Variants in NRXN1 observed in about 807,000 individuals in gnomAD.
The protein encoded by NRXN1 is neurexin 1, also known as neurexin-1.
NRXN1 carries 39 observed loss-of-function variants against 150.9 expected under a neutral mutation model. The ratio of observed to expected loss-of-function variants is 0.26; its 90% CI spans 0.20 to 0.34. The LOEUF is 0.34. NRXN1 is among the 10% of genes least tolerant of loss of function. NRXN1 has a pLI of 1.00. For synonymous variants in NRXN1, 924 were observed against 757.0 expected, an observed-to-expected ratio of 1.22 and a Z score of -3.62; for missense variants, 1,815 against 1,949.9, an observed-to-expected ratio of 0.93 and a Z score of 1.30.
chr2:49,925,843 A>G (rs1669017787), intron 22 of NRXN1, among the ~76,000 whole-genome samples: 1 of 152,244 alleles, frequency 6.6e-6, no homozygotes. Flanking sequence ...TGTTAAAAAA[A>G]GCAAGTAAAA....
chr2:50,969,009 G>A (rs181162226), intron 2 of NRXN1, among the ~76,000 whole-genome samples: 77 of 151,950 alleles, frequency 5.1e-4, no homozygotes, highest in East Asian at 3.7e-3. Flanking sequence ...CACCTTCTGC[G>A]CCAGGTAAGT....
chr2:50,790,996 G>A (rs1241550081), intron 5 of NRXN1, among the ~76,000 whole-genome samples: 2 of 151,656 alleles, frequency 1.3e-5, no homozygotes, highest in Admixed American at 1.3e-4. Context: ...ACTAGTAGCT[G>A]ATTTTTAAGG....
intron 8 of NRXN1, among the ~76,000 whole-genome samples, chr2:50,568,614 T>A (rs1670208611): frequency 6.6e-6 from 1 of 152,144 alleles, no homozygotes; most frequent in African/African-American, 2.4e-5. Context: ...CCAGTTAAAA[T>A]GCCTTTTATC....
chr2:50,437,126 G>C (rs1343378226), intron 17 of NRXN1, among the ~76,000 whole-genome samples: 3 of 152,114 alleles, frequency 2.0e-5, no homozygotes, highest in Admixed American at 1.3e-4. Context: ...AATATAAAAG[G>C]CTATTTTATT....
chr2:50,904,333 C>T (rs767218999), intron 5 of NRXN1, among the ~76,000 whole-genome samples: 1 of 152,162 alleles, frequency 6.6e-6, no homozygotes, highest in Non-Finnish European at 1.5e-5. Flanking sequence ...GCCCCACTCT[C>T]TTTCTACTAG....
chr2:49,977,592 T>C (rs577536622), intron 21 of NRXN1, among the ~76,000 whole-genome samples: 2 of 152,312 alleles, frequency 1.3e-5, no homozygotes, highest in South Asian at 4.1e-4. Context: ...GACCAAGCCC[T>C]GGGTTTCTCC....
intron 8 of NRXN1, among the ~76,000 whole-genome samples, chr2:50,568,814 T>A (rs1670237778): frequency 6.6e-6 from 1 of 152,012 alleles, no homozygotes. Flanking sequence ...AGAAAGGAAA[T>A]CAATATATCA....
intron 5 of NRXN1, among the ~76,000 whole-genome samples, chr2:50,727,706 T>C (rs1157024823): frequency 1.3e-5 from 2 of 152,172 alleles, no homozygotes; most frequent in Non-Finnish European, 2.9e-5. Context: ...AGAAGATTTA[T>C]GTTTTTAATT....
chr2:50,260,573 T>G (rs2068152780), intron 17 of NRXN1, among the ~76,000 whole-genome samples: 1 of 151,430 alleles, frequency 6.6e-6, no homozygotes, highest in Non-Finnish European at 1.5e-5. Context: ...TCAATCACTT[T>G]TTTTAATGCA....
chr2:50,251,480 G>A (rs10193106), intron 17 of NRXN1, among the ~76,000 whole-genome samples: 62,673 of 151,806 alleles, frequency 0.41, 13,126 homozygotes, highest in Middle Eastern at 0.46. Flanking sequence ...GAATAGTGCT[G>A]CAATTAACGT....
chr2:50,291,149 G>C (rs533468551), intron 17 of NRXN1, among the ~76,000 whole-genome samples: 4 of 143,960 alleles, frequency 2.8e-5, no homozygotes, highest in African/African-American at 5.6e-5. Context: ...AAAAAAAAAG[G>C]CTCTGAATTA....
chr2:50,314,289 T>C (rs1226205864), intron 17 of NRXN1, among the ~76,000 whole-genome samples: 1 of 152,060 alleles, frequency 6.6e-6, no homozygotes, highest in African/African-American at 2.4e-5. Context: ...GGACTCTGTA[T>C]GATTTCTTTC....
rs1472163841 is a variant in NRXN1 at position 50,090,858 on chromosome 2, C to G, written c.3718+465G>C. ...TTTCTCACTAGTTCTCTACTTATCTCACGGGATCCCTACACTTTAATGTGT... is the reference window on the plus strand; with the variant it reads ...TTTCTCACTAGTTCTCTACTTATCTGACGGGATCCCTACACTTTAATGTGT... On this transcript the variant is annotated intron_variant, in intron 19 of 22. Transcript: ENST00000401669. Among the ~76,000 whole-genome samples, 4 of 152,110 alleles carry G rather than the reference C, an allele frequency of 2.6e-5. No homozygotes were observed. In the East Asian group the frequency reaches 7.7e-4, roughly 29 times the overall value.
chr2:50,156,455 T>C (rs543147066), intron 18 of NRXN1, among the ~76,000 whole-genome samples: 3 of 151,946 alleles, frequency 2.0e-5, no homozygotes, highest in Non-Finnish European at 1.5e-5. Flanking sequence ...TGTCCACCTA[T>C]AAAAAATTAC....
chr2:50,134,745 A>G (rs143932761), intron 18 of NRXN1, among the ~76,000 whole-genome samples: 170 of 152,234 alleles, frequency 1.1e-3, no homozygotes, highest in Non-Finnish European at 7.4e-5. Context: ...TTCTTAGTGA[A>G]GTCTATTTTA....
chr2:50,382,765 G>A (rs920366334), intron 17 of NRXN1, among the ~76,000 whole-genome samples: 2 of 152,144 alleles, frequency 1.3e-5, no homozygotes, highest in African/African-American at 4.8e-5. Context: ...AGAGATTAGC[G>A]AGTGGGAAGA....
intron 22 of NRXN1, among the ~76,000 whole-genome samples, chr2:49,930,963 C>G (rs1411224073): frequency 2.0e-5 from 3 of 152,146 alleles, no homozygotes; most frequent in African/African-American, 7.2e-5. Flanking sequence ...GATACTGTCT[C>G]TAGAAAAAAT....
intron 2 of NRXN1, among the ~76,000 whole-genome samples, chr2:50,928,754 C>T (rs879862931): frequency 6.6e-6 from 1 of 151,946 alleles, no homozygotes; most frequent in Admixed American, 6.6e-5. Context: ...GAAAGCAGTC[C>T]ATCCGGCCTT....
chr2:50,331,320 T>C (rs867985390), intron 17 of NRXN1, among the ~76,000 whole-genome samples: 1 of 152,154 alleles, frequency 6.6e-6, no homozygotes, highest in African/African-American at 2.4e-5. Context: ...GTTTGCATTA[T>C]AGACTAAAAT....
Sources: gnomAD v4.1 joint callset for allele counts (sites outside exome capture counted in the v4.1 genomes callset) on GRCh38, gnomAD v4.1.1 for gene constraint, MANE v1.5 for transcripts, NCBI Gene and HGNC (gene_info 2026-07-23, HGNC 2026-07-21) for gene names.